The following VTI1A variants were observed in gnomAD, a reference collection of about 807,000 sequenced individuals.
VTI1A encodes the protein vesicle transport through interaction with t-SNAREs homolog 1A.
In VTI1A, 22 loss-of-function variants were observed where a neutral mutation model predicts 34.9. That is an observed-to-expected ratio of 0.63 (90% confidence interval 0.45 to 0.90). The LOEUF is 0.90. VTI1A is among the 40% of genes least tolerant of loss of function. VTI1A has a pLI of 0.00. For missense variants in VTI1A, 268 were observed against 275.6 expected, an observed-to-expected ratio of 0.97 and a Z score of 0.20; for synonymous variants, 87 against 97.3, an observed-to-expected ratio of 0.89 and a Z score of 0.62.
chr10:112,799,520 C>T (rs1309799717), intron 7 of VTI1A, among the ~76,000 whole-genome samples: 1 of 152,190 alleles, frequency 6.6e-6, no homozygotes, highest in Non-Finnish European at 1.5e-5. Flanking sequence ...TTCTCCCAGT[C>T]CCTGCCCCTG....
chr10:112,541,620 G>C (rs1200226221), intron 5 of VTI1A, among the ~76,000 whole-genome samples: 1 of 152,206 alleles, frequency 6.6e-6, no homozygotes, highest in Non-Finnish European at 1.5e-5. Context: ...GAGTAGAATA[G>C]AATGCACATT....
At chr10:112,624,324 G>A (rs936780018) in intron 5 of VTI1A, among the ~76,000 whole-genome samples, 1 of 152,150 alleles carries the variant, frequency 6.6e-6, no homozygotes, top group African/African-American at 2.4e-5. Context: ...ATGAGCCATT[G>A]TGTCTCCTTG....
chr10:112,713,061 G>C, intron 7 of VTI1A, among the ~76,000 whole-genome samples: 1 of 152,076 alleles, frequency 6.6e-6, no homozygotes, highest in South Asian at 2.1e-4. Context: ...CCCTTTCTGT[G>C]TTTCCATGGC....
intron 1 of VTI1A, among the ~76,000 whole-genome samples, chr10:112,453,515 G>A (rs976580398): frequency 6.6e-6 from 1 of 152,078 alleles, no homozygotes; most frequent in African/African-American, 2.4e-5. Context: ...ACATCAGTAT[G>A]GACTCATAGA....
chr10:112,493,662 T>G (rs1021631536), intron 3 of VTI1A, among the ~76,000 whole-genome samples: 1 of 152,182 alleles, frequency 6.6e-6, no homozygotes, highest in Non-Finnish European at 1.5e-5. Flanking sequence ...GAGTTTGTTT[T>G]GAGTCTATAT....
At chr10:112,596,727 C>T (rs953616775) in intron 5 of VTI1A, among the ~76,000 whole-genome samples, 4 of 152,106 alleles carry the variant, frequency 2.6e-5, no homozygotes, top group East Asian at 1.9e-4. Context: ...TTCTTTGTCA[C>T]GAGTAAGGCT....
rs142693179 is a variant in VTI1A, at chr10:112,616,161, G to A, written c.428-52057G>A. ...CAAAAAGAGAAAGAGAGAAGCAGTG[G>A]GTTGAAATGAGAATAGAGAGCAGTG... is the stretch of plus-strand genomic sequence containing the variant. On this transcript the variant is annotated intron_variant, in intron 5 of 7. Coordinates refer to ENST00000393077, the MANE Select transcript of VTI1A (RefSeq NM_145206.4). 9.2e-5 allele frequency among the ~76,000 whole-genome samples: 14 copies of A among 152,240 alleles called. No individual in the cohort carries two copies. The East Asian group carries it at 2.5e-3, about 27-fold the overall frequency.
chr10:112,708,216 G>A (rs1212639509), intron 7 of VTI1A, among the ~76,000 whole-genome samples: 4 of 152,234 alleles, frequency 2.6e-5, no homozygotes, highest in Admixed American at 2.6e-4. Context: ...TGTGTGGTAT[G>A]TGTATACAGC....
chr10:112,805,279 TG>T (rs1853034175), intron 7 of VTI1A, among the ~76,000 whole-genome samples: 1 of 152,200 alleles, frequency 6.6e-6, no homozygotes, highest in Non-Finnish European at 1.5e-5. Flanking sequence ...TTTAAATGGT[TG>T]AAAAAAACTC....
intron 7 of VTI1A, among the ~76,000 whole-genome samples, chr10:112,686,754 C>T (rs1031430330): frequency 6.6e-6 from 1 of 152,186 alleles, no homozygotes; most frequent in Non-Finnish European, 1.5e-5. Flanking sequence ...CTAGTTCTTT[C>T]ATAGTTTTCA....
intron 3 of VTI1A, among the ~76,000 whole-genome samples, chr10:112,518,666 TATACAC>T (rs1849895848): frequency 6.8e-6 from 1 of 146,662 alleles, no homozygotes; most frequent in Admixed American, 6.9e-5. Flanking sequence ...TATATATATA[TATACAC>T]ACACACACAC....
chr10:112,491,621 A>G (rs914184529), intron 3 of VTI1A, among the ~76,000 whole-genome samples: 4 of 152,378 alleles, frequency 2.6e-5, no homozygotes, highest in Admixed American at 2.0e-4. Flanking sequence ...AGCTCCAAAC[A>G]AAATATTACC....
intron 5 of VTI1A, among the ~76,000 whole-genome samples, chr10:112,539,265 T>C (rs1209782354): frequency 6.6e-6 from 1 of 152,226 alleles, no homozygotes; most frequent in African/African-American, 2.4e-5. Flanking sequence ...AATGTTTATT[T>C]TGTAAGAACA....
intron 5 of VTI1A, among the ~76,000 whole-genome samples, chr10:112,652,453 G>A (rs1847069246): frequency 6.6e-6 from 1 of 152,190 alleles, no homozygotes; most frequent in Non-Finnish European, 1.5e-5. Context: ...AGTTGCAGGG[G>A]CTCACGCCTG....
chr10:112,758,857 T>C (rs1851367683), intron 7 of VTI1A, among the ~76,000 whole-genome samples: 1 of 152,246 alleles, frequency 6.6e-6, no homozygotes, highest in East Asian at 1.9e-4. Flanking sequence ...TTTTAAGGCA[T>C]GAGCAGCAGG....
rs371084370 is a variant in VTI1A, at chr10:112,554,570, A to G, written c.427+16240A>G. ...GAAATTAAAAGTTTATTTCAACAAA[A>G]GGACATTGCAATCACAGTAGTCTTC... On this transcript the variant is annotated intron_variant, in intron 5 of 7. Coordinates refer to ENST00000393077, the MANE Select transcript of VTI1A (RefSeq NM_145206.4). 2.6e-5 allele frequency among the ~76,000 whole-genome samples: 4 copies of G among 152,202 alleles called. No individual in the cohort carries two copies. In the East Asian group the frequency reaches 5.8e-4, roughly 22 times the overall value.
intron 5 of VTI1A, among the ~76,000 whole-genome samples, chr10:112,659,664 G>A (rs1847371536): frequency 6.6e-6 from 1 of 152,170 alleles, no homozygotes; most frequent in Non-Finnish European, 1.5e-5. Flanking sequence ...TACTGAGAAG[G>A]TAGTGTTAAA....
chr10:112,593,520 T>C (rs1423722126), intron 5 of VTI1A, among the ~76,000 whole-genome samples: 1 of 152,144 alleles, frequency 6.6e-6, no homozygotes, highest in Admixed American at 6.5e-5. Context: ...ATAACATTCA[T>C]TGGAATTTTT....
At chr10:112,595,399 C>A (rs1414406200) in intron 5 of VTI1A, among the ~76,000 whole-genome samples, 1 of 150,822 alleles carries the variant, frequency 6.6e-6, no homozygotes, top group South Asian at 2.1e-4. Context: ...AGAAAATTTT[C>A]GCAACCTACT....
Sources: allele counts gnomAD v4.1 joint callset (sites outside exome capture counted in the v4.1 genomes callset), GRCh38; gene constraint gnomAD v4.1.1; transcripts MANE v1.5; gene names NCBI Gene and HGNC (gene_info 2026-07-23, HGNC 2026-07-21).